The following CAMK1D variants were observed in gnomAD, a reference collection of about 807,000 sequenced individuals.
CAMK1D encodes calcium/calmodulin-dependent protein kinase type 1D.
In CAMK1D, 9 loss-of-function variants were observed where a neutral mutation model predicts 47.7. That is an observed-to-expected ratio of 0.19 (90% CI 0.11 to 0.33). CAMK1D has a LOEUF of 0.33. Among genes scored for constraint, CAMK1D ranks in the 10% least tolerant of loss-of-function variants. CAMK1D has a pLI of 1.00. For missense variants in CAMK1D, 291 were observed against 488.7 expected, an observed-to-expected ratio of 0.60 and a Z score of 3.81; for synonymous variants, 184 against 184.9, an observed-to-expected ratio of 0.99 and a Z score of 0.04.
At chr10:12,608,362 G>C (rs1838524986) in intron 2 of CAMK1D, among the ~76,000 whole-genome samples, 1 of 152,246 alleles carries the variant, frequency 6.6e-6, no homozygotes, top group African/African-American at 2.4e-5. Flanking sequence ...AGGTTACAGT[G>C]AGCCGAGATT....
At chr10:12,703,347 C>G (rs1283035733) in intron 3 of CAMK1D, among the ~76,000 whole-genome samples, 1 of 152,180 alleles carries the variant, frequency 6.6e-6, no homozygotes, top group Non-Finnish European at 1.5e-5. Flanking sequence ...TGCCATTTCA[C>G]CGAGTGCTGT....
intron 2 of CAMK1D, among the ~76,000 whole-genome samples, chr10:12,569,717 C>T (rs1188121969): frequency 4.3e-4 from 26 of 60,348 alleles, no homozygotes; most frequent in Non-Finnish European, 1.4e-4. Flanking sequence ...AACGAGACTC[C>T]GTCTCAAAAA....
chr10:12,734,443 C>G (rs1564524475), intron 3 of CAMK1D, among the ~76,000 whole-genome samples: 8 of 5,274 alleles, frequency 1.5e-3, no homozygotes, highest in African/African-American at 1.7e-3. Context: ...TACACACACA[C>G]ATATGTGTAT....
chr10:12,481,700 G>C (rs1338664052), intron 1 of CAMK1D, among the ~76,000 whole-genome samples: 1 of 152,088 alleles, frequency 6.6e-6, no homozygotes, highest in Non-Finnish European at 1.5e-5. Context: ...AGTAGAGACG[G>C]GGTTTCACCA....
Position 12,835,269 on chromosome 10 carries a change from G to T in CAMK1D, c.*6382G>T, listed in dbSNP as rs13674. 6.6e-6 allele frequency: 1 copy of T among 152,026 alleles called. No homozygotes were observed. Among genetic ancestry groups the T allele is most frequent in the African/African-American group, 2.4e-5 (1 of 41,378 alleles). 9.4% of individuals were successfully genotyped at this position (152,026 alleles called of 1,614,324 possible). On this transcript the variant is annotated 3_prime_UTR_variant, in exon 11 of 11. Transcript: ENST00000619168. ...CAACATCAAAACCAGGAATGTCCCC[G>T]CATCTACTATTACCAGGCTTGCAAT...
At chr10:12,420,562 CT>C (rs909324070) in intron 1 of CAMK1D, among the ~76,000 whole-genome samples, 66 of 148,688 alleles carry the variant, frequency 4.4e-4, no homozygotes, top group East Asian at 3.1e-3. Flanking sequence ...CAAATATACT[CT>C]TTTTTTTTTA....
chr10:12,546,784 G>A (rs1836386958), intron 1 of CAMK1D, among the ~76,000 whole-genome samples: 1 of 149,634 alleles, frequency 6.7e-6, no homozygotes, highest in Non-Finnish European at 1.5e-5. Context: ...CACAGGAAGG[G>A]GAACATCACA....
chr10:12,438,502 C>T (rs1469296010), intron 1 of CAMK1D, among the ~76,000 whole-genome samples: 1 of 152,162 alleles, frequency 6.6e-6, no homozygotes, highest in South Asian at 2.1e-4. Context: ...CTGGGTGTTC[C>T]ATCAGTTGAA....
chr10:12,484,892 G>T (rs559749960), intron 1 of CAMK1D, among the ~76,000 whole-genome samples: 1 of 152,234 alleles, frequency 6.6e-6, no homozygotes, highest in South Asian at 2.1e-4. Context: ...CAGGAAGCAG[G>T]GGTACCTCAT....
intron 2 of CAMK1D, among the ~76,000 whole-genome samples, chr10:12,612,125 T>G (rs1038705996): frequency 6.6e-6 from 1 of 152,192 alleles, no homozygotes; most frequent in Non-Finnish European, 1.5e-5. Context: ...CCTCTCTTTC[T>G]CTGGGACCTT....
chr10:12,820,146 T>C (rs1204021384), intron 8 of CAMK1D, among the ~76,000 whole-genome samples: 1 of 152,152 alleles, frequency 6.6e-6, no homozygotes, highest in Admixed American at 6.5e-5. Flanking sequence ...TTCAAACGAT[T>C]CTCCTGCCTC....
intron 10 of CAMK1D, among the ~76,000 whole-genome samples, chr10:12,828,335 C>T (rs2431626): frequency 0.53 from 78,310 of 148,550 alleles, 20,500 homozygotes; most frequent in East Asian, 0.72. Flanking sequence ...AATAGTCACA[C>T]GGGTAAAAAT....
intron 8 of CAMK1D, among the ~76,000 whole-genome samples, chr10:12,821,069 G>A (rs894097354): frequency 4.6e-5 from 7 of 152,174 alleles, no homozygotes; most frequent in Non-Finnish European, 8.8e-5. Flanking sequence ...GTGGGGACCG[G>A]CAAATCAAAA....
chr10:12,541,144 C>T (rs1250893200), intron 1 of CAMK1D, among the ~76,000 whole-genome samples: 3 of 152,080 alleles, frequency 2.0e-5, no homozygotes, highest in African/African-American at 7.2e-5. Flanking sequence ...CTTGGCAGAA[C>T]TTTATTTTCC....
chr10:12,389,421 G>A (rs1838643661), intron 1 of CAMK1D, among the ~76,000 whole-genome samples: 1 of 152,192 alleles, frequency 6.6e-6, no homozygotes, highest in Non-Finnish European at 1.5e-5. Context: ...GCTTCAAGGA[G>A]AGGTGCTCAG....
At chr10:12,514,529 C>A (rs1835132959) in intron 1 of CAMK1D, among the ~76,000 whole-genome samples, 1 of 152,220 alleles carries the variant, frequency 6.6e-6, no homozygotes, top group Admixed American at 6.5e-5. Context: ...AGTGTTATTT[C>A]CTTTTTACAG....
intron 2 of CAMK1D, among the ~76,000 whole-genome samples, chr10:12,572,046 C>CA (rs1032412496): frequency 6.7e-5 from 10 of 149,508 alleles, no homozygotes; most frequent in African/African-American, 2.5e-4. Context: ...TAAACCCCCC[C>CA]CCAAAAAAAA....
Position 12,825,514 on chromosome 10 carries a change from TA to T in CAMK1D, c.922-58del, listed in dbSNP as rs1833169086. ...AATGTGATAAACAAGAGAACACAGTTAGAGTCTTTTCCGATTAGCTGAAATA... is the reference window on the plus strand; with the variant it reads ...AATGTGATAAACAAGAGAACACAGTTGAGTCTTTTCCGATTAGCTGAAATA... On this transcript the variant is annotated intron_variant, in intron 9 of 10. Coordinates refer to ENST00000619168, the MANE Select transcript of CAMK1D (RefSeq NM_153498.4). 3 of 1,515,914 alleles carry T rather than the reference TA, an allele frequency of 2.0e-6. No individual in the cohort carries two copies. In the East Asian group the frequency reaches 6.8e-5, roughly 34 times the overall value. 93.9% of individuals were successfully genotyped at this position (1,515,914 alleles called of 1,614,324 possible).
intron 2 of CAMK1D, among the ~76,000 whole-genome samples, chr10:12,598,811 AATAAC>A (rs796773376): frequency 5.3e-5 from 8 of 152,362 alleles, no homozygotes; most frequent in African/African-American, 1.9e-4. Flanking sequence ...GTATCTTGCA[AATAAC>A]ATGCTACTGG....
Sources: allele counts gnomAD v4.1 joint callset (sites outside exome capture counted in the v4.1 genomes callset), GRCh38; gene constraint gnomAD v4.1.1; transcripts MANE v1.5; gene names NCBI Gene and HGNC (gene_info 2026-07-23, HGNC 2026-07-21).